The following CHAF1B variants were observed in gnomAD, a reference collection of about 807,000 sequenced individuals.
CHAF1B encodes CAF-1 subunit B.
In CHAF1B, 10 loss-of-function variants were observed where a neutral mutation model predicts 60.7. The observed-to-expected ratio is 0.16, with a 90% CI of 0.10 to 0.28. The LOEUF (loss-of-function observed/expected upper bound fraction) is 0.28. Ranked by LOEUF, CHAF1B falls within the 10% of genes least tolerant of loss-of-function variation. CHAF1B has a pLI of 1.00. For synonymous variants in CHAF1B, 261 were observed against 266.1 expected (o/e 0.98, Z 0.19); for missense variants, 558 against 708.4 (o/e 0.79, Z 2.41).
chr21:36,408,203 G>T (rs1460547656), intron 8 of CHAF1B, among the ~76,000 whole-genome samples: 2 of 152,162 alleles, frequency 1.3e-5, no homozygotes, highest in Non-Finnish European at 2.9e-5. Flanking sequence ...TACAGCAGGG[G>T]GTGAGTGTAG....
At chr21:36,393,288 AT>A (rs2086108040) in intron 4 of CHAF1B, among the ~76,000 whole-genome samples, 1 of 152,050 alleles carries the variant, frequency 6.6e-6, no homozygotes, top group Non-Finnish European at 1.5e-5. Context: ...GGGTCTCACT[AT>A]GTTGCCCAGG....
At chr21:36,386,332 A>C in intron 2 of CHAF1B, 70 bp downstream of exon 2, 1 of 1,571,998 alleles carries the variant, frequency 6.4e-7, no homozygotes, top group Non-Finnish European at 8.7e-7. Context: ...TTTACTTAAA[A>C]CCAGTGTCGG....
chr21:36,409,511 A>G, intron 10 of CHAF1B, 46 bp downstream of exon 10: 1 of 1,414,370 alleles, frequency 7.1e-7, no homozygotes, highest in Non-Finnish European at 1.0e-6. Context: ...TCTCCGAAAC[A>G]GGTCACCAGA....
At chr21:36,402,712 GAA>G in intron 7 of CHAF1B, 44 bp from the exon 8 acceptor site, 1 of 1,506,780 alleles carries the variant, frequency 6.6e-7, no homozygotes, top group Non-Finnish European at 9.1e-7. Flanking sequence ...TTTGTGTGTA[GAA>G]AACAAACAAA....
At chr21:36,396,122 T>G (rs2086135386) in intron 5 of CHAF1B, among the ~76,000 whole-genome samples, 1 of 151,180 alleles carries the variant, frequency 6.6e-6, no homozygotes, top group African/African-American at 2.4e-5. Context: ...GCCTCAGCCC[T>G]CAAGGTAGCT....
intron 8 of CHAF1B, 77 bp downstream of exon 8, chr21:36,402,928 T>C: frequency 8.3e-7 from 1 of 1,198,088 alleles, no homozygotes; most frequent in Non-Finnish European, 1.2e-6. Context: ...CTGCAGCTTA[T>C]CAGCTCAGTG....
intron 7 of CHAF1B, among the ~76,000 whole-genome samples, chr21:36,402,315 A>G (rs1291125116): frequency 6.6e-6 from 1 of 152,164 alleles, no homozygotes; most frequent in Non-Finnish European, 1.5e-5. Context: ...CTGTATCTAA[A>G]GAGTGCATTC....
intron 4 of CHAF1B, among the ~76,000 whole-genome samples, chr21:36,392,617 G>A (rs910701769): frequency 1.3e-4 from 20 of 151,278 alleles, no homozygotes; most frequent in Non-Finnish European, 2.7e-4. Flanking sequence ...CAGACGGGGC[G>A]GCTGCTGGGC....
In CHAF1B at chr21:36,391,643, A is replaced by T; in HGVS notation, c.352A>T (p.Asn118Tyr). 6.2e-7 allele frequency: 1 copy of T among 1,612,920 alleles called. No individual in the cohort carries two copies. The highest frequency in any genetic ancestry group is 8.5e-7 in the Non-Finnish European group (1 of 1,179,152). The change falls in exon 4 of 14, where the codon AAC becomes TAC. Residue 118 changes from asparagine (N) to tyrosine (Y), a missense_variant. Transcript: ENST00000314103. ...DEDEAQLNKENWTVVKTLRGH... is the reference protein window; with the variant it reads ...DEDEAQLNKEYWTVVKTLRGH... Reference sequence around the variant, plus strand: ...GGACGAGGCCCAGCTGAACAAGGAGAACTGGACGGTTGTGAAGACTCTGCG... The same window carrying T: ...GGACGAGGCCCAGCTGAACAAGGAGTACTGGACGGTTGTGAAGACTCTGCG...
intron 8 of CHAF1B, among the ~76,000 whole-genome samples, chr21:36,406,488 G>T (rs535887188): frequency 6.6e-6 from 1 of 152,164 alleles, no homozygotes; most frequent in South Asian, 2.1e-4. Flanking sequence ...GTTTTACCAT[G>T]TTGGCCAGGG....
chr21:36,414,071 C>T (rs1251830944), intron 12 of CHAF1B, among the ~76,000 whole-genome samples: 5 of 152,186 alleles, frequency 3.3e-5, no homozygotes, highest in African/African-American at 4.8e-5. Flanking sequence ...CTGGCACGCA[C>T]GCCTGTGTCT....
intron 3 of CHAF1B, among the ~76,000 whole-genome samples, chr21:36,389,426 T>C (rs978003727): frequency 6.6e-6 from 1 of 151,900 alleles, no homozygotes; most frequent in Non-Finnish European, 1.5e-5. Context: ...GCCAATATAG[T>C]GAGACCTCAT....
At chr21:36,400,005 C>G (rs1021426881) in intron 7 of CHAF1B, among the ~76,000 whole-genome samples, 20 of 152,104 alleles carry the variant, frequency 1.3e-4, no homozygotes, top group African/African-American at 3.9e-4. Flanking sequence ...ATGGCCAAAC[C>G]CCATCTCAAT....
At chr21:36,402,303 C>T (rs2086197549) in intron 7 of CHAF1B, among the ~76,000 whole-genome samples, 1 of 152,098 alleles carries the variant, frequency 6.6e-6, no homozygotes, top group Non-Finnish European at 1.5e-5. Context: ...CAGAGCGAGA[C>T]TCTGTATCTA....
At position 36,415,350 on chromosome 21, in the gene CHAF1B, A is replaced by G; in HGVS notation, c.1549A>G (p.Ser517Gly). Residue 517 changes from serine (S) to glycine (G), a missense_variant, in exon 13 of 14, where the codon AGT (serine) becomes GGT (glycine). Transcript: ENST00000314103. ...TDTPPSSVPT[S>G]VISTPSTEEI... Reference sequence around the variant, plus strand: ...CACTCCACCAAGTTCTGTACCAACCAGTGTGATTTCCACCCCTTCTACAGA... The same window carrying G: ...CACTCCACCAAGTTCTGTACCAACCGGTGTGATTTCCACCCCTTCTACAGA... The G allele has an allele frequency of 2.5e-6, 4 of 1,612,386 alleles. No homozygotes were observed. The highest frequency in any genetic ancestry group is 3.4e-6 in the Non-Finnish European group (4 of 1,178,448).
At chr21:36,388,469 T>G (rs914242082) in intron 3 of CHAF1B, among the ~76,000 whole-genome samples, 159 of 96,472 alleles carry the variant, frequency 1.6e-3, no homozygotes, top group Non-Finnish European at 2.3e-3. Context: ...GCTTTGGGAG[T>G]TTTTTTTTTT....
intron 11 of CHAF1B, 145 bp from the exon 12 acceptor site, chr21:36,412,739 C>T: frequency 7.0e-6 from 5 of 712,008 alleles, no homozygotes; most frequent in South Asian, 1.9e-5. Context: ...ATGAGTGAGT[C>T]GCTATCACAC....
At position 36,401,928 on chromosome 21, in the gene CHAF1B, A is replaced by G. The variant is rs929813865; in HGVS notation, c.664-830A>G. ...GATAATTTTTGTATTTTTAGTAGAGATGGGGTTTTGCTATGTTGGCCAGGC... is the reference window on the plus strand; with the variant it reads ...GATAATTTTTGTATTTTTAGTAGAGGTGGGGTTTTGCTATGTTGGCCAGGC... On this transcript the variant is annotated intron_variant, in intron 7 of 13. Coordinates refer to ENST00000314103, the MANE Select transcript of CHAF1B (RefSeq NM_005441.3). 3.3e-5 allele frequency among the ~76,000 whole-genome samples: 5 copies of G among 151,220 alleles called. No homozygotes were observed. The Admixed American group carries it at 3.3e-4, about 10-fold the overall frequency.
At chr21:36,412,729 A>G (rs2086287463) in intron 11 of CHAF1B, 155 bp from the exon 12 acceptor site, 8 of 684,944 alleles carry the variant, frequency 1.2e-5, no homozygotes, top group African/African-American at 3.6e-5. Flanking sequence ...ATGAAACTGC[A>G]TGAGTGAGTC....
Sources: gnomAD v4.1 joint callset for allele counts (sites outside exome capture counted in the v4.1 genomes callset) on GRCh38, gnomAD v4.1.1 for gene constraint, MANE v1.5 for transcripts, NCBI Gene and HGNC (gene_info 2026-07-23, HGNC 2026-07-21) for gene names.